Variants in PRKD1 observed in about 807,000 individuals in gnomAD.
PRKD1 encodes serine/threonine-protein kinase D1.
Under a neutral mutation model 95.9 loss-of-function variants are expected in PRKD1, and 63 were observed. The observed-to-expected ratio is 0.66, with a 90% CI of 0.54 to 0.81. PRKD1 has a LOEUF of 0.81. Ranked by LOEUF, PRKD1 falls within the 30% of genes least tolerant of loss-of-function variation. The pLI is 0.00. For synonymous variants in PRKD1, 425 were observed against 423.1 expected, an observed-to-expected ratio of 1.00 and a Z score of -0.05; for missense variants, 1,048 against 1,165.3, an observed-to-expected ratio of 0.90 and a Z score of 1.47.
At chr14:29,679,796 T>G (rs567293573) in intron 2 of PRKD1, among the ~76,000 whole-genome samples, 1 of 151,260 alleles carries the variant, frequency 6.6e-6, no homozygotes. Flanking sequence ...GGTGCAATCT[T>G]GGCTCACTGC....
intron 1 of PRKD1, among the ~76,000 whole-genome samples, chr14:29,760,644 C>T (rs1362939233): frequency 2.0e-5 from 3 of 152,026 alleles, no homozygotes; most frequent in Non-Finnish European, 4.4e-5. Flanking sequence ...TGAGCCACCA[C>T]GCCTGCCTTT....
intron 1 of PRKD1, among the ~76,000 whole-genome samples, chr14:29,737,136 C>T (rs1220251379): frequency 1.3e-5 from 2 of 151,002 alleles, no homozygotes; most frequent in Non-Finnish European, 2.9e-5. Flanking sequence ...TCCTGGCTAA[C>T]AAGGTGAAAC....
At chr14:29,652,615 G>C (rs1881581668) in intron 4 of PRKD1, among the ~76,000 whole-genome samples, 1 of 152,158 alleles carries the variant, frequency 6.6e-6, no homozygotes, top group African/African-American at 2.4e-5. Context: ...CTCACTGAAA[G>C]TACACACTGC....
intron 4 of PRKD1, chr14:29,656,578 T>G (rs1881854056): frequency 6.9e-7 from 1 of 1,442,738 alleles, no homozygotes; most frequent in Non-Finnish European, 9.4e-7. Flanking sequence ...AACAACGTTA[T>G]TGGATGGAAG....
intron 1 of PRKD1, among the ~76,000 whole-genome samples, chr14:29,727,777 T>C (rs1294150028): frequency 6.6e-6 from 1 of 152,002 alleles, no homozygotes; most frequent in Non-Finnish European, 1.5e-5. Flanking sequence ...CCAACAATGA[T>C]AGACTGGATT....
intron 2 of PRKD1, among the ~76,000 whole-genome samples, chr14:29,707,286 A>G (rs945176347): frequency 4.6e-5 from 7 of 152,214 alleles, no homozygotes; most frequent in Non-Finnish European, 7.3e-5. Context: ...ACTGGAGGCA[A>G]GGAAACCAAC....
chr14:29,785,964 T>C (rs1485946648), intron 1 of PRKD1, among the ~76,000 whole-genome samples: 2 of 152,062 alleles, frequency 1.3e-5, no homozygotes, highest in Non-Finnish European at 2.9e-5. Context: ...TTTAGTATCA[T>C]GTTAGTCACA....
rs1265936219 is a variant in PRKD1, at chr14:29,609,720, T to A, written c.1906-9903A>T. On this transcript the variant is annotated intron_variant, in intron 13 of 17. Coordinates refer to ENST00000331968, the MANE Select transcript of PRKD1 (RefSeq NM_002742.3). Reference sequence around the variant, plus strand: ...CACGCCCAGCTATTTCTTTATTTTTTTTTTTTTTTTGTACTTTTAGTAGAG... The same window carrying A: ...CACGCCCAGCTATTTCTTTATTTTTATTTTTTTTTTGTACTTTTAGTAGAG... Among the ~76,000 whole-genome samples, 42 of 147,874 alleles carry A rather than the reference T, an allele frequency of 2.8e-4. 1 individual carries two copies. The highest frequency in any genetic ancestry group is 9.4e-4 in the African/African-American group (38 of 40,244).
At chr14:29,907,563 A>C (rs943705909) in intron 1 of PRKD1, among the ~76,000 whole-genome samples, 3 of 152,322 alleles carry the variant, frequency 2.0e-5, no homozygotes, top group Admixed American at 1.3e-4. Flanking sequence ...AATCTTACTA[A>C]ATTTACTGAA....
chr14:29,841,461 G>A (rs1392588879), intron 1 of PRKD1, among the ~76,000 whole-genome samples: 1 of 152,200 alleles, frequency 6.6e-6, no homozygotes, highest in Non-Finnish European at 1.5e-5. Flanking sequence ...ACTGAATCAT[G>A]AGGGTGGGTC....
At chr14:29,655,643 C>T (rs1329472474) in intron 4 of PRKD1, among the ~76,000 whole-genome samples, 3 of 152,150 alleles carry the variant, frequency 2.0e-5, no homozygotes, top group African/African-American at 7.2e-5. Flanking sequence ...CTAAATACTT[C>T]TCCTCCACGT....
chr14:29,902,140 TC>T (rs1334588733), intron 1 of PRKD1, among the ~76,000 whole-genome samples: 1 of 151,990 alleles, frequency 6.6e-6, no homozygotes, highest in Non-Finnish European at 1.5e-5. Flanking sequence ...ACACCTGGAA[TC>T]CCAGCTACTT....
At chr14:29,585,358 G>C (rs1892884709) in intron 16 of PRKD1, among the ~76,000 whole-genome samples, 1 of 152,174 alleles carries the variant, frequency 6.6e-6, no homozygotes, top group Non-Finnish European at 1.5e-5. Context: ...AAGACCTTTA[G>C]AGACTCGAGT....
intron 1 of PRKD1, among the ~76,000 whole-genome samples, chr14:29,806,589 G>C (rs894987074): frequency 2.6e-5 from 4 of 152,168 alleles, no homozygotes; most frequent in African/African-American, 9.7e-5. Flanking sequence ...ATGAGCATTA[G>C]AAAATGGTTC....
At chr14:29,655,701 G>C (rs1029154090) in intron 4 of PRKD1, among the ~76,000 whole-genome samples, 1 of 152,022 alleles carries the variant, frequency 6.6e-6, no homozygotes, top group Non-Finnish European at 1.5e-5. Flanking sequence ...TTTTGGAGGA[G>C]GGCTTAACTA....
intron 1 of PRKD1, among the ~76,000 whole-genome samples, chr14:29,779,109 A>G (rs895398106): frequency 1.3e-5 from 2 of 152,194 alleles, no homozygotes; most frequent in Non-Finnish European, 2.9e-5. Flanking sequence ...AAAAACTCTC[A>G]ATAAATTAGG....
At chr14:29,779,296 G>T (rs541570419) in intron 1 of PRKD1, among the ~76,000 whole-genome samples, 2 of 152,222 alleles carry the variant, frequency 1.3e-5, no homozygotes, top group Non-Finnish European at 2.9e-5. Flanking sequence ...AGGCAATCAG[G>T]CAGGAGAAAG....
intron 2 of PRKD1, among the ~76,000 whole-genome samples, chr14:29,694,061 C>T (rs970372529): frequency 4.6e-5 from 7 of 152,144 alleles, no homozygotes; most frequent in Non-Finnish European, 1.0e-4. Flanking sequence ...ATCTGAATCT[C>T]TACCTTTGAC....
chr14:29,579,931 T>C (rs886922438), intron 16 of PRKD1, among the ~76,000 whole-genome samples: 5 of 152,178 alleles, frequency 3.3e-5, no homozygotes, highest in Non-Finnish European at 5.9e-5. Flanking sequence ...ATAGGGCATG[T>C]GCTTTAAAAT....
Sources: gnomAD v4.1 joint callset for allele counts (sites outside exome capture counted in the v4.1 genomes callset) on GRCh38, gnomAD v4.1.1 for gene constraint, MANE v1.5 for transcripts, NCBI Gene and HGNC (gene_info 2026-07-23, HGNC 2026-07-21) for gene names.